The following MAGI2 variants were observed in gnomAD, a reference collection of about 807,000 sequenced individuals.
The protein encoded by MAGI2 is membrane associated guanylate kinase, WW and PDZ domain containing 2, also known as membrane-associated guanylate kinase, WW and PDZ domain-containing protein 2.
MAGI2 carries 35 observed loss-of-function variants against 133.3 expected under a neutral mutation model. That is an observed-to-expected ratio of 0.26 (90% CI 0.20 to 0.35). MAGI2 has a LOEUF of 0.35. MAGI2 is among the 10% of genes least tolerant of loss of function. MAGI2 has a pLI of 1.00. For synonymous variants in MAGI2, 729 were observed against 710.6 expected (o/e 1.03, Z -0.41); for missense variants, 1,636 against 1,863.4 (o/e 0.88, Z 2.25).
At chr7:79,079,111 C>G (rs542854102) in intron 1 of MAGI2, among the ~76,000 whole-genome samples, 5 of 152,214 alleles carry the variant, frequency 3.3e-5, no homozygotes, top group Non-Finnish European at 2.9e-5. Flanking sequence ...CAAAATTCAG[C>G]TTTTCTTCCT....
At chr7:79,324,818 A>C (rs1839560796) in intron 1 of MAGI2, among the ~76,000 whole-genome samples, 1 of 148,634 alleles carries the variant, frequency 6.7e-6, no homozygotes, top group African/African-American at 2.5e-5. Context: ...GGAAAACCTT[A>C]GCATCTTCAG....
At chr7:78,670,864 CT>C (rs1814296535) in intron 2 of MAGI2, among the ~76,000 whole-genome samples, 1 of 152,178 alleles carries the variant, frequency 6.6e-6, no homozygotes, top group African/African-American at 2.4e-5. Context: ...GAACATTCTA[CT>C]TTATCATTAA....
At chr7:79,323,648 G>A (rs1357939397) in intron 1 of MAGI2, among the ~76,000 whole-genome samples, 8 of 152,222 alleles carry the variant, frequency 5.3e-5, no homozygotes, top group African/African-American at 1.9e-4. Flanking sequence ...GGATATAAAT[G>A]GGAAAATGAT....
At chr7:79,180,928 T>C (rs995206643) in intron 1 of MAGI2, among the ~76,000 whole-genome samples, 1 of 151,910 alleles carries the variant, frequency 6.6e-6, no homozygotes, top group East Asian at 1.9e-4. Context: ...GTCAAATCTT[T>C]AAGCTCTAAA....
At chr7:79,010,652 C>T (rs1807989143) in intron 1 of MAGI2, among the ~76,000 whole-genome samples, 2 of 152,044 alleles carry the variant, frequency 1.3e-5, no homozygotes, top group Non-Finnish European at 2.9e-5. Flanking sequence ...TTTTGTTGAG[C>T]AGAGCACTGG....
At chr7:79,290,758 A>G (rs1836413630) in intron 1 of MAGI2, among the ~76,000 whole-genome samples, 1 of 152,060 alleles carries the variant, frequency 6.6e-6, no homozygotes, top group African/African-American at 2.4e-5. Flanking sequence ...CCAAACAACT[A>G]TTAAGTCATC....
At chr7:78,729,121 TACTC>T (rs1394668921) in intron 2 of MAGI2, among the ~76,000 whole-genome samples, 3 of 152,220 alleles carry the variant, frequency 2.0e-5, no homozygotes, top group Non-Finnish European at 4.4e-5. Flanking sequence ...TTAGATATTT[TACTC>T]ACTCAAGATC....
intron 2 of MAGI2, among the ~76,000 whole-genome samples, chr7:78,643,594 C>T (rs1347327515): frequency 6.6e-6 from 1 of 151,788 alleles, no homozygotes; most frequent in Non-Finnish European, 1.5e-5. Flanking sequence ...ATTGCAGCCA[C>T]CTGTATAACA....
At chr7:78,051,301 C>T (rs1261239002) in intron 21 of MAGI2, among the ~76,000 whole-genome samples, 1 of 152,150 alleles carries the variant, frequency 6.6e-6, no homozygotes, top group Non-Finnish European at 1.5e-5. Context: ...TTTTTTTAAA[C>T]TGTCAAGAAA....
intron 20 of MAGI2, among the ~76,000 whole-genome samples, chr7:78,108,780 G>T (rs1350157207): frequency 6.6e-6 from 1 of 151,852 alleles, no homozygotes; most frequent in African/African-American, 2.4e-5. Flanking sequence ...ATATGTGTTT[G>T]TGTGTATATA....
chr7:78,573,873 G>T (rs954760199), intron 3 of MAGI2, among the ~76,000 whole-genome samples: 2 of 151,934 alleles, frequency 1.3e-5, no homozygotes, highest in Non-Finnish European at 2.9e-5. Context: ...TTCATGAAGG[G>T]TTTCAGTCTG....
At chr7:79,287,526 G>C (rs922836004) in intron 1 of MAGI2, among the ~76,000 whole-genome samples, 3 of 152,134 alleles carry the variant, frequency 2.0e-5, no homozygotes, top group Non-Finnish European at 4.4e-5. Context: ...ATTAGAGTAA[G>C]GGTTTTTGTG....
At chr7:78,433,776 C>G (rs1375638512) in intron 6 of MAGI2, among the ~76,000 whole-genome samples, 2 of 152,084 alleles carry the variant, frequency 1.3e-5, no homozygotes, top group Non-Finnish European at 2.9e-5. Context: ...AAATTTTATT[C>G]TGATTCTCTT....
chr7:78,965,385 T>C (rs949520880), intron 2 of MAGI2, among the ~76,000 whole-genome samples: 1 of 151,990 alleles, frequency 6.6e-6, no homozygotes, highest in African/African-American at 2.4e-5. Flanking sequence ...GGAAAATTGT[T>C]GGAGCACATT....
At chr7:79,292,200 G>T (rs1020128429) in intron 1 of MAGI2, among the ~76,000 whole-genome samples, 5 of 152,178 alleles carry the variant, frequency 3.3e-5, no homozygotes, top group African/African-American at 9.6e-5. Flanking sequence ...AAACGAATTT[G>T]CCATAAGTGT....
At position 78,588,458 on chromosome 7, in the gene MAGI2, C is replaced by G. The variant is rs567442106; in HGVS notation, c.538+38662G>C. Among the ~76,000 whole-genome samples the G allele has an allele frequency of 1.3e-4, 20 of 152,234 alleles. No individual in the cohort carries two copies. In the South Asian group the frequency reaches 4.1e-3, roughly 32 times the overall value. On this transcript the variant is annotated intron_variant, in intron 3 of 21. Coordinates refer to ENST00000354212, the MANE Select transcript of MAGI2 (RefSeq NM_012301.4). The stretch of plus-strand genomic sequence containing the variant: ...GGGTAGATGGCTGTTCAGTAGGAGG[C>G]AGAGGCAGATAACATATGTGCAAAT...
At chr7:79,027,262 C>T (rs1554336031) in intron 1 of MAGI2, among the ~76,000 whole-genome samples, 12 of 151,826 alleles carry the variant, frequency 7.9e-5, no homozygotes, top group Non-Finnish European at 1.5e-5. Context: ...AAGCAGCATT[C>T]ACAATAGCCA....
At chr7:78,537,735 C>T (rs763092158) in intron 3 of MAGI2, among the ~76,000 whole-genome samples, 1 of 151,796 alleles carries the variant, frequency 6.6e-6, no homozygotes, top group Non-Finnish European at 1.5e-5. Context: ...CTTGTAGATT[C>T]TAAGTATTAG....
chr7:79,046,496 C>G lies in MAGI2; in HGVS notation c.302-39290G>C, dbSNP rs868468176. On this transcript the variant is annotated intron_variant, in intron 1 of 21. Coordinates refer to ENST00000354212, the MANE Select transcript of MAGI2 (RefSeq NM_012301.4). ...CCAGTTTGGCGCTTTGTTGTGACAG[C>G]CCTAGCGAAGTAATACACGTGATAT... Among the ~76,000 whole-genome samples the G allele has an allele frequency of 5.3e-5, 8 of 152,274 alleles. No individual in the cohort carries two copies. In the South Asian group the frequency reaches 1.4e-3, roughly 28 times the overall value.
Sources: gnomAD v4.1 joint callset for allele counts (sites outside exome capture counted in the v4.1 genomes callset) on GRCh38, gnomAD v4.1.1 for gene constraint, MANE v1.5 for transcripts, NCBI Gene and HGNC (gene_info 2026-07-23, HGNC 2026-07-21) for gene names.